LDLRAD4: variants seen among roughly 807,000 people sequenced by gnomAD.
LDLRAD4 encodes the protein low-density lipoprotein receptor class A domain-containing protein 4.
LDLRAD4 carries 5 observed loss-of-function variants against 17.0 expected under a neutral mutation model. The ratio of observed to expected loss-of-function variants is 0.29; its 90% CI spans 0.15 to 0.62. The LOEUF is 0.62. Ranked by LOEUF, LDLRAD4 falls within the 20% of genes least tolerant of loss-of-function variation. The probability of loss-of-function intolerance (pLI) is 0.84; values close to 1 mark genes in which losing one functional copy is unlikely to be tolerated. For missense variants in LDLRAD4, 340 were observed against 424.7 expected, an observed-to-expected ratio of 0.80 and a Z score of 1.75; for synonymous variants, 168 against 171.8, an observed-to-expected ratio of 0.98 and a Z score of 0.17.
At chr18:13,304,578 T>TC (rs2046800881) in intron 1 of LDLRAD4, among the ~76,000 whole-genome samples, 1 of 152,084 alleles carries the variant, frequency 6.6e-6, no homozygotes, top group Non-Finnish European at 1.5e-5. Context: ...TCTTTCAGAC[T>TC]CCCCTGAGGA....
At chr18:13,526,490 A>T (rs1206995664) in intron 3 of LDLRAD4, 1 of 152,212 alleles carries the variant, frequency 6.6e-6, no homozygotes, top group Non-Finnish European at 1.5e-5. Context: ...ACATTTTTGC[A>T]TTTTCTGTAT....
intron 1 of LDLRAD4, among the ~76,000 whole-genome samples, chr18:13,281,999 A>G (rs746776385): frequency 3.3e-5 from 5 of 152,200 alleles, no homozygotes; most frequent in Non-Finnish European, 7.3e-5. Flanking sequence ...GGCGAAAGGC[A>G]CTTCTTACAT....
At chr18:13,337,697 G>A (rs2082168584) in intron 1 of LDLRAD4, among the ~76,000 whole-genome samples, 1 of 142,538 alleles carries the variant, frequency 7.0e-6, no homozygotes, top group Non-Finnish European at 1.5e-5. Flanking sequence ...AGGAGTTCAA[G>A]ACCAGCCTGG....
At chr18:13,638,374 G>A (rs2042254305) in intron 4 of LDLRAD4, among the ~76,000 whole-genome samples, 1 of 150,872 alleles carries the variant, frequency 6.6e-6, no homozygotes, top group South Asian at 2.1e-4. Flanking sequence ...TACCCTTACA[G>A]ATGTATACCT....
intron 3 of LDLRAD4, among the ~76,000 whole-genome samples, chr18:13,439,637 G>T (rs1257479114): frequency 6.6e-6 from 1 of 152,216 alleles, no homozygotes; most frequent in Non-Finnish European, 1.5e-5. Context: ...CTGGCCTGCA[G>T]GCCCCTGCTC....
At chr18:13,503,988 A>G (rs1000049929) in intron 3 of LDLRAD4, among the ~76,000 whole-genome samples, 18 of 152,220 alleles carry the variant, frequency 1.2e-4, no homozygotes, top group Admixed American at 9.8e-4. Flanking sequence ...GGCGCTTTGT[A>G]GAAATGAACT....
Position 13,236,871 on chromosome 18 carries a change from A to T in LDLRAD4, c.-467+17883A>T, listed in dbSNP as rs368820741. On this transcript the variant is annotated intron_variant, in intron 1 of 5. Coordinates refer to the LDLRAD4 transcript ENST00000399848. ...CTTTGCTTTGTCCCTGGAACTGTGG[A>T]CTCCCTCCCTCCCTAGTCTTGCTTG... 3.3e-5 allele frequency among the ~76,000 whole-genome samples: 5 copies of T among 151,432 alleles called. No individual in the cohort carries two copies. In the South Asian group the frequency reaches 6.3e-4, roughly 19 times the overall value.
At chr18:13,594,785 T>A (rs577029717) in intron 3 of LDLRAD4, among the ~76,000 whole-genome samples, 1 of 151,698 alleles carries the variant, frequency 6.6e-6, no homozygotes, top group Non-Finnish European at 1.5e-5. Context: ...AAAAAGAAGT[T>A]GTCTGGAGGG....
At chr18:13,579,939 G>A (rs368934084) in intron 3 of LDLRAD4, among the ~76,000 whole-genome samples, 17 of 152,310 alleles carry the variant, frequency 1.1e-4, no homozygotes, top group East Asian at 7.7e-4. Context: ...GATGCTGTGA[G>A]AGCCAGGGCC....
intron 1 of LDLRAD4, among the ~76,000 whole-genome samples, chr18:13,331,361 T>C (rs551796692): frequency 6.8e-4 from 104 of 152,344 alleles, no homozygotes; most frequent in African/African-American, 2.4e-3. Context: ...AGAAGACTTC[T>C]GTGTTGATTG....
chr18:13,282,228 C>T (rs2045326125), intron 1 of LDLRAD4, among the ~76,000 whole-genome samples: 1 of 152,166 alleles, frequency 6.6e-6, no homozygotes, highest in Admixed American at 6.5e-5. Flanking sequence ...TATCATCCTG[C>T]CCCTGACCCC....
intron 3 of LDLRAD4, among the ~76,000 whole-genome samples, chr18:13,483,179 C>T (rs2093135065): frequency 6.6e-6 from 1 of 152,100 alleles, no homozygotes. Context: ...AGGTTTTATC[C>T]CTGGTCTCAA....
At chr18:13,502,649 C>T (rs2093630799) in intron 3 of LDLRAD4, among the ~76,000 whole-genome samples, 1 of 151,440 alleles carries the variant, frequency 6.6e-6, no homozygotes, top group Admixed American at 6.6e-5. Flanking sequence ...CTCTGCTTCT[C>T]ACCCACTCTC....
chr18:13,632,767 A>C (rs1170243662), intron 4 of LDLRAD4, among the ~76,000 whole-genome samples: 1 of 152,256 alleles, frequency 6.6e-6, no homozygotes, highest in Non-Finnish European at 1.5e-5. Context: ...AATGAGGTAC[A>C]TGGACAACTG....
chr18:13,218,774 C>G (rs2041282603), upstream of LDLRAD4: 1 of 152,350 alleles, frequency 6.6e-6, no homozygotes, highest in Admixed American at 6.5e-5. Context: ...GGGGCTGCTG[C>G]TGTTGCACTT....
chr18:13,494,672 T>C (rs2093424561), intron 3 of LDLRAD4, among the ~76,000 whole-genome samples: 1 of 2,790 alleles, frequency 3.6e-4, no homozygotes, highest in African/African-American at 8.9e-4. Context: ...ACATATTTAA[T>C]AATATAATAT....
In LDLRAD4 at chr18:13,492,111, C is replaced by T. The variant is rs147335870; in HGVS notation, c.181+53727C>T. On this transcript the variant is annotated intron_variant, in intron 3 of 5. Transcript: ENST00000359446. ...TTCTCTAAGATCCATGCCACCAAGA[C>T]CCAAGACACCAAGACAAGACCGATT... is the stretch of plus-strand genomic sequence containing the variant. Among the ~76,000 whole-genome samples the T allele has an allele frequency of 1.6e-3, 245 of 152,286 alleles. 1 individual carries two copies. In the Middle Eastern group the frequency reaches 0.02, roughly 13 times the overall value.
chr18:13,407,925 G>A (rs2087920547), intron 2 of LDLRAD4, among the ~76,000 whole-genome samples: 1 of 152,184 alleles, frequency 6.6e-6, no homozygotes, highest in South Asian at 2.1e-4. Flanking sequence ...TTGACAAACG[G>A]CACCCCCCTG....
At chr18:13,445,792 T>C (rs754104387) in intron 3 of LDLRAD4, among the ~76,000 whole-genome samples, 36 of 151,090 alleles carry the variant, frequency 2.4e-4, no homozygotes, top group Non-Finnish European at 5.0e-4. Context: ...AGGTTGAGTC[T>C]CTGGTGCATA....
Sources: allele counts gnomAD v4.1 joint callset (sites outside exome capture counted in the v4.1 genomes callset), GRCh38; gene constraint gnomAD v4.1.1; transcripts MANE v1.5; gene names NCBI Gene and HGNC (gene_info 2026-07-23, HGNC 2026-07-21).